Variants in CMTM8 observed in about 807,000 individuals in gnomAD.
CMTM8 encodes CKLF like MARVEL transmembrane domain containing 8, also known as CKLF-like MARVEL transmembrane domain-containing protein 8.
CMTM8 carries 12 observed loss-of-function variants against 18.6 expected under a neutral mutation model. That is an observed-to-expected ratio of 0.65 (90% CI 0.41 to 1.05). The LOEUF (loss-of-function observed/expected upper bound fraction) is 1.05. Ranked by LOEUF, CMTM8 falls within the 50% of genes least tolerant of loss-of-function variation. The pLI is 0.00. For synonymous variants in CMTM8, 87 were observed against 90.6 expected (o/e 0.96, Z 0.23); for missense variants, 217 against 227.2 (o/e 0.95, Z 0.29).
At chr3:32,263,358 G>A (rs144706843) in intron 1 of CMTM8, among the ~76,000 whole-genome samples, 7,098 of 152,190 alleles carry the variant, frequency 0.047, 654 homozygotes, top group East Asian at 0.43. Context: ...GTGGACCTCC[G>A]GCAAACTCCA....
In CMTM8 at chr3:32,367,886, C is replaced by T. The variant is rs138983063; in HGVS notation, c.336C>T (p.Asn112=). The change falls in exon 3 of 4, where the codon AAC becomes AAT. Residue 112 remains asparagine (N), a synonymous_variant. Coordinates refer to ENST00000307526, the MANE Select transcript of CMTM8 (RefSeq NM_178868.5). ...TGTCCCCCCAGGGCCTGTGCTTTAA[C>T]GGCAGTGCCTTCGTCTTGTACCTCT... The part of the protein sequence containing the change: ...VPWTTVGLCF[N]GSAFVLYLSA... 419 of 1,613,520 alleles carry T rather than the reference C, an allele frequency of 2.6e-4. 1 individual carries two copies. The African/African-American group carries it at 4.7e-3, about 18-fold the overall frequency.
At chr3:32,303,587 G>T (rs553521314) in intron 1 of CMTM8, among the ~76,000 whole-genome samples, 1 of 152,012 alleles carries the variant, frequency 6.6e-6, no homozygotes, top group South Asian at 2.1e-4. Flanking sequence ...AAACATTCTG[G>T]CTTGTTTACA....
chr3:32,242,654 T>C (rs1297400483), intron 1 of CMTM8, among the ~76,000 whole-genome samples: 3 of 152,106 alleles, frequency 2.0e-5, no homozygotes, highest in African/African-American at 7.2e-5. Flanking sequence ...CAATTATTTA[T>C]CTCCCTCTAC....
At position 32,366,789 on chromosome 3, in the gene CMTM8, G is replaced by A. The variant is rs142161791; in HGVS notation, c.322-1083G>A. On this transcript the variant is annotated intron_variant, in intron 2 of 3. Coordinates refer to ENST00000307526, the MANE Select transcript of CMTM8 (RefSeq NM_178868.5). Reference sequence around the variant, plus strand: ...AAAAAGTAAACAAAAGAACACAACCGACATTCCTAATGAGTCATTTAGTGA... The same window carrying A: ...AAAAAGTAAACAAAAGAACACAACCAACATTCCTAATGAGTCATTTAGTGA... 1.2e-4 allele frequency among the ~76,000 whole-genome samples: 19 copies of A among 152,260 alleles called. No individual in the cohort carries two copies. In the East Asian group the frequency reaches 1.9e-3, roughly 15 times the overall value.
At chr3:32,257,074 G>A (rs1324182270) in intron 1 of CMTM8, among the ~76,000 whole-genome samples, 3 of 152,176 alleles carry the variant, frequency 2.0e-5, no homozygotes, top group African/African-American at 7.2e-5. Context: ...TGCAACCTCT[G>A]CTTCCTGGGT....
At chr3:32,251,606 G>A (rs1031672825) in intron 1 of CMTM8, among the ~76,000 whole-genome samples, 1 of 151,838 alleles carries the variant, frequency 6.6e-6, no homozygotes, top group Non-Finnish European at 1.5e-5. Flanking sequence ...AAGCCACCAT[G>A]CCCAGCCACA....
At chr3:32,281,914 T>A (rs888072459) in intron 1 of CMTM8, among the ~76,000 whole-genome samples, 4 of 152,162 alleles carry the variant, frequency 2.6e-5, no homozygotes, top group African/African-American at 9.7e-5. Flanking sequence ...GTACCTCATC[T>A]TCTTTCCTGG....
intron 1 of CMTM8, among the ~76,000 whole-genome samples, chr3:32,336,716 T>C (rs907444299): frequency 6.6e-6 from 1 of 152,240 alleles, no homozygotes; most frequent in African/African-American, 2.4e-5. Flanking sequence ...TGCCTCTTCC[T>C]CACTACTCTC....
At chr3:32,318,811 C>T (rs1695980569) in intron 1 of CMTM8, among the ~76,000 whole-genome samples, 2 of 151,190 alleles carry the variant, frequency 1.3e-5, no homozygotes, top group South Asian at 4.2e-4. Context: ...TCGTGATCCA[C>T]CCGCCTCAGC....
chr3:32,318,730 C>T (rs1695979003), intron 1 of CMTM8, among the ~76,000 whole-genome samples: 1 of 151,746 alleles, frequency 6.6e-6, no homozygotes, highest in Non-Finnish European at 1.5e-5. Context: ...CCACGCCTGG[C>T]TAATTTTTTT....
intron 1 of CMTM8, among the ~76,000 whole-genome samples, chr3:32,337,085 T>G (rs1055934634): frequency 6.6e-6 from 1 of 151,876 alleles, no homozygotes; most frequent in Non-Finnish European, 1.5e-5. Flanking sequence ...ATAACAAACC[T>G]CCTCCCGAGA....
chr3:32,266,220 A>G (rs530426930), intron 1 of CMTM8, among the ~76,000 whole-genome samples: 1,669 of 152,322 alleles, frequency 0.011, 29 homozygotes, highest in African/African-American at 0.038. Context: ...ATACTGGCAA[A>G]CCGAATCCAG....
chr3:32,259,164 G>A lies in CMTM8; in HGVS notation c.147+20045G>A. 2 of 446,766 alleles carry A rather than the reference G, an allele frequency of 4.5e-6. 1 individual carries two copies. The highest frequency in any genetic ancestry group is 3.8e-5 in the South Asian group (2 of 52,026). 27.7% of individuals were successfully genotyped at this position (446,766 alleles called of 1,614,324 possible). On this transcript the variant is annotated intron_variant, in intron 1 of 3. Coordinates refer to ENST00000307526, the MANE Select transcript of CMTM8 (RefSeq NM_178868.5). ...TGGCCGCAGGGACGGCCAGGGGTCT[G>A]GCAGAAATGGGAGGCATCCAGAGCG...
rs1224313137 is a variant in CMTM8, at chr3:32,369,962, C to T, written c.517C>T (p.Gln173Ter). Residue 173 changes from glutamine to a stop codon, truncating the protein, a stop_gained, in exon 4 of 4, where the codon CAG becomes TAG. Coordinates refer to ENST00000307526, the MANE Select transcript of CMTM8 (RefSeq NM_178868.5). LOFTEE classifies it high-confidence loss of function. ...SFIAWRSRTI[Q>*] ...TATAGCATGGAGATCCAGGACCATA[C>T]AGTGATTTACCATTTTGATAATTAA... The T allele has an allele frequency of 1.1e-5, 17 of 1,563,732 alleles. No homozygotes were observed. The highest frequency in any genetic ancestry group is 1.4e-5 in the Non-Finnish European group (16 of 1,143,396).
At chr3:32,299,679 C>T (rs766871927) in intron 1 of CMTM8, among the ~76,000 whole-genome samples, 6 of 152,144 alleles carry the variant, frequency 3.9e-5, no homozygotes, top group African/African-American at 1.4e-4. Flanking sequence ...TTATCATTGA[C>T]GGTAGTCTTC....
chr3:32,249,893 C>A (rs942217866), intron 1 of CMTM8, among the ~76,000 whole-genome samples: 5 of 152,062 alleles, frequency 3.3e-5, no homozygotes, highest in African/African-American at 9.7e-5. Context: ...TTGAAAAAGT[C>A]CAATTTTTAT....
intron 1 of CMTM8, among the ~76,000 whole-genome samples, chr3:32,290,419 TAAAC>T (rs1702759865): frequency 6.6e-6 from 1 of 152,232 alleles, no homozygotes; most frequent in African/African-American, 2.4e-5. Context: ...AGTTCCTAAA[TAAAC>T]ACATTCAATG....
intron 1 of CMTM8, among the ~76,000 whole-genome samples, chr3:32,305,370 A>G (rs2125565621): frequency 6.6e-6 from 1 of 152,122 alleles, no homozygotes; most frequent in African/African-American, 2.4e-5. Context: ...TGATTGTCAC[A>G]ACTAGGAGGG....
intron 1 of CMTM8, among the ~76,000 whole-genome samples, chr3:32,256,322 G>A (rs1490831300): frequency 2.0e-5 from 3 of 152,126 alleles, no homozygotes; most frequent in East Asian, 1.9e-4. Context: ...CTTCTGCCTC[G>A]GCTTCCCAGA....
Sources: allele counts gnomAD v4.1 joint callset (sites outside exome capture counted in the v4.1 genomes callset), GRCh38; gene constraint gnomAD v4.1.1; transcripts MANE v1.5; gene names NCBI Gene and HGNC (gene_info 2026-07-23, HGNC 2026-07-21).